The following ATP8A2 variants were observed in gnomAD, a reference collection of about 807,000 sequenced individuals.
The protein encoded by ATP8A2 is ATPase phospholipid transporting 8A2.
In ATP8A2, 100 loss-of-function variants were observed where a neutral mutation model predicts 165.6. The observed-to-expected ratio is 0.60, with a 90% CI of 0.51 to 0.71. The LOEUF (loss-of-function observed/expected upper bound fraction) is 0.71, where lower values mean the gene tolerates loss of function less well. ATP8A2 is among the 30% of genes least tolerant of loss of function. ATP8A2 has a pLI of 0.00. For synonymous variants in ATP8A2, 543 were observed against 548.8 expected (o/e 0.99, Z 0.15); for missense variants, 1,227 against 1,479.5 (o/e 0.83, Z 2.80).
intron 24 of ATP8A2, among the ~76,000 whole-genome samples, chr13:25,674,237 T>G (rs2042325172): frequency 6.6e-6 from 1 of 152,000 alleles, no homozygotes; most frequent in East Asian, 1.9e-4. Flanking sequence ...TGTTGTCTTC[T>G]CAGAACTCCT....
intron 24 of ATP8A2, among the ~76,000 whole-genome samples, chr13:25,626,695 G>A (rs2041109337): frequency 6.6e-6 from 1 of 152,092 alleles, no homozygotes; most frequent in African/African-American, 2.4e-5. Context: ...GTCACCCTTA[G>A]TGTATTAGTC....
chr13:25,868,315 G>A (rs371265861), intron 33 of ATP8A2, among the ~76,000 whole-genome samples: 2 of 152,272 alleles, frequency 1.3e-5, no homozygotes, highest in African/African-American at 4.8e-5. Flanking sequence ...TAAGGTTACT[G>A]GAATTAATCT....
Position 25,864,432 on chromosome 13 carries a change from C to G in ATP8A2, c.3183+2024C>G, listed in dbSNP as rs374976217. Among the ~76,000 whole-genome samples, 56 of 152,220 alleles carry G rather than the reference C, an allele frequency of 3.7e-4. 1 individual carries two copies. The highest frequency in any genetic ancestry group is 3.4e-3 in the Middle Eastern group (1 of 294). On this transcript the variant is annotated intron_variant, in intron 33 of 36. Coordinates refer to ENST00000381655, the MANE Select transcript of ATP8A2 (RefSeq NM_016529.6). ...TACCGACTTTCCAACTGCAGAAGGA[C>G]CAGGCTGATCATGCAGCTACTAAGG...
chr13:25,918,988 AC>A (rs1954354618), intron 33 of ATP8A2, among the ~76,000 whole-genome samples: 1 of 152,256 alleles, frequency 6.6e-6, no homozygotes, highest in Non-Finnish European at 1.5e-5. Context: ...GAGATACAAC[AC>A]ATGTGATCCC....
At chr13:25,519,422 G>T (rs1156546252) in intron 2 of ATP8A2, among the ~76,000 whole-genome samples, 1 of 151,838 alleles carries the variant, frequency 6.6e-6, no homozygotes, top group African/African-American at 2.4e-5. Flanking sequence ...TTCCTTGAGG[G>T]TGTGCGTTTT....
At chr13:25,699,096 A>C (rs1028722870) in intron 24 of ATP8A2, 77 bp from the exon 25 acceptor site, 1 of 1,197,444 alleles carries the variant, frequency 8.4e-7, no homozygotes, top group Non-Finnish European at 1.1e-6. Context: ...ATTTCAAGAA[A>C]CTTAATTTTG....
intron 2 of ATP8A2, among the ~76,000 whole-genome samples, chr13:25,492,778 C>G (rs1014421414): frequency 6.6e-6 from 1 of 152,134 alleles, no homozygotes; most frequent in Non-Finnish European, 1.5e-5. Context: ...TTTCCATTAC[C>G]TGTTGGCTTG....
intron 36 of ATP8A2, 111 bp downstream of exon 36, chr13:26,012,733 G>T (rs1956876945): frequency 2.6e-6 from 1 of 391,240 alleles, no homozygotes; most frequent in Admixed American, 5.0e-5. Context: ...GTGCTGACGG[G>T]GGGTGGGGGC....
chr13:25,687,017 C>T (rs1156474733), intron 24 of ATP8A2, among the ~76,000 whole-genome samples: 1 of 152,062 alleles, frequency 6.6e-6, no homozygotes, highest in Non-Finnish European at 1.5e-5. Context: ...TATGAATGGC[C>T]CACCAAGCTA....
intron 25 of ATP8A2, among the ~76,000 whole-genome samples, chr13:25,758,023 C>T (rs1201691472): frequency 2.6e-5 from 4 of 152,138 alleles, no homozygotes; most frequent in African/African-American, 9.7e-5. Flanking sequence ...TTTAGGTTGC[C>T]GCTGTTAACC....
At chr13:25,757,748 C>G (rs1379527630) in intron 25 of ATP8A2, among the ~76,000 whole-genome samples, 1 of 152,122 alleles carries the variant, frequency 6.6e-6, no homozygotes, top group Non-Finnish European at 1.5e-5. Flanking sequence ...TATATGTGTT[C>G]CTGACCCCCA....
At chr13:25,503,977 C>T (rs1377729854) in intron 2 of ATP8A2, among the ~76,000 whole-genome samples, 2 of 152,222 alleles carry the variant, frequency 1.3e-5, no homozygotes, top group Non-Finnish European at 2.9e-5. Flanking sequence ...CAAATGTTTA[C>T]AAGCACTGTG....
chr13:25,617,804 A>G (rs2040864944), intron 24 of ATP8A2, among the ~76,000 whole-genome samples: 1 of 152,128 alleles, frequency 6.6e-6, no homozygotes, highest in African/African-American at 2.4e-5. Flanking sequence ...TTTAACTTAT[A>G]CCCTCTCCTC....
chr13:25,418,917 G>C (rs189694287), intron 1 of ATP8A2, among the ~76,000 whole-genome samples: 98 of 152,222 alleles, frequency 6.4e-4, no homozygotes, highest in African/African-American at 2.0e-3. Context: ...TCTCATCTGG[G>C]TCTTTGTGTC....
intron 35 of ATP8A2, among the ~76,000 whole-genome samples, chr13:26,012,269 T>C (rs1956865344): frequency 6.6e-6 from 1 of 151,870 alleles, no homozygotes; most frequent in Non-Finnish European, 1.5e-5. Context: ...GTCCCGCGGG[T>C]ATGGACCGGG....
rs369362359 is a variant in ATP8A2 at position 25,784,233 on chromosome 13, TA to T, written c.2679+9284del. Among the ~76,000 whole-genome samples, 216 of 149,620 alleles carry T rather than the reference TA, an allele frequency of 1.4e-3. 1 individual carries two copies. Among genetic ancestry groups the T allele is most frequent in the African/African-American group, 4.8e-3 (196 of 40,880 alleles). Reference sequence around the variant, plus strand: ...ATAAAATGTTTTAATCTCCTTGGAATAAAAAAAAAATGCAAGTCCAGAAACA... The same window carrying T: ...ATAAAATGTTTTAATCTCCTTGGAATAAAAAAAAATGCAAGTCCAGAAACA... On this transcript the variant is annotated intron_variant, in intron 27 of 36. Transcript: ENST00000381655.
At chr13:25,409,444 A>C (rs2033902994) in intron 1 of ATP8A2, among the ~76,000 whole-genome samples, 1 of 152,226 alleles carries the variant, frequency 6.6e-6, no homozygotes, top group African/African-American at 2.4e-5. Flanking sequence ...AAAATATGAA[A>C]GACATGGCAA....
At chr13:25,596,395 A>G (rs1012277063) in intron 24 of ATP8A2, among the ~76,000 whole-genome samples, 15 of 152,286 alleles carry the variant, frequency 9.8e-5, no homozygotes, top group Admixed American at 7.8e-4. Context: ...TGTAATCACC[A>G]CCCCATTTAA....
chr13:25,598,945 G>T (rs1197040307), intron 24 of ATP8A2, among the ~76,000 whole-genome samples: 1 of 152,064 alleles, frequency 6.6e-6, no homozygotes, highest in Non-Finnish European at 1.5e-5. Context: ...TGTTGGTGCT[G>T]CTGCCTAAGA....
Sources: allele counts gnomAD v4.1 joint callset (sites outside exome capture counted in the v4.1 genomes callset), GRCh38; gene constraint gnomAD v4.1.1; transcripts MANE v1.5; gene names NCBI Gene and HGNC (gene_info 2026-07-23, HGNC 2026-07-21).